STX2: variants seen among roughly 807,000 people sequenced by gnomAD.
STX2 encodes syntaxin-2.
Under a neutral mutation model 40.6 loss-of-function variants are expected in STX2, and 27 were observed. That is an observed-to-expected ratio of 0.66 (90% CI 0.49 to 0.92). The LOEUF (loss-of-function observed/expected upper bound fraction) is 0.92. STX2 is among the 40% of genes least tolerant of loss of function. The probability of loss-of-function intolerance (pLI) is 0.00; values close to 1 mark genes in which losing one functional copy is unlikely to be tolerated. For synonymous variants in STX2, 123 were observed against 119.1 expected, an observed-to-expected ratio of 1.03 and a Z score of -0.22; for missense variants, 328 against 366.1, an observed-to-expected ratio of 0.90 and a Z score of 0.85.
chr12:130,829,930 G>A (rs1318323070), intron 1 of STX2, among the ~76,000 whole-genome samples: 1 of 152,208 alleles, frequency 6.6e-6, no homozygotes, highest in Non-Finnish European at 1.5e-5. Context: ...CACCCTGGAG[G>A]TGCCACATGG....
intron 8 of STX2, among the ~76,000 whole-genome samples, chr12:130,799,930 T>C (rs1951163286): frequency 6.6e-6 from 1 of 152,148 alleles, no homozygotes; most frequent in Admixed American, 6.6e-5. Flanking sequence ...GGAACAATCC[T>C]GTGTGTGGAT....
rs73459506 is a variant in STX2, at chr12:130,831,284, T to C, written c.31-4017A>G. Among the ~76,000 whole-genome samples, 672 of 152,376 alleles carry C rather than the reference T, an allele frequency of 4.4e-3. 10 individuals are homozygous for C. Among genetic ancestry groups the C allele is most frequent in the African/African-American group, 0.016 (649 of 41,600 alleles). ...AACCTTGACATATACACAGTGGTTT[T>C]AGTACTTTGTTGCTAGAATACTTTG... On this transcript the variant is annotated intron_variant, in intron 1 of 10. Transcript: ENST00000392373.
chr12:130,815,438 T>C (rs962656864), intron 3 of STX2, among the ~76,000 whole-genome samples: 4 of 152,210 alleles, frequency 2.6e-5, no homozygotes, highest in African/African-American at 7.2e-5. Context: ...CATCAGCACA[T>C]CACCCACTGG....
chr12:130,802,259 A>C (rs1951258078), intron 6 of STX2, among the ~76,000 whole-genome samples: 1 of 152,080 alleles, frequency 6.6e-6, no homozygotes, highest in Non-Finnish European at 1.5e-5. Context: ...GTGCAGGGGC[A>C]CCGTCGCAGC....
At chr12:130,835,496 T>C (rs1952728561) in intron 1 of STX2, among the ~76,000 whole-genome samples, 1 of 152,208 alleles carries the variant, frequency 6.6e-6, no homozygotes. Context: ...GTATCAAATA[T>C]AAATACATCA....
chr12:130,829,981 TTAGGTTC>T (rs1160110394), intron 1 of STX2, among the ~76,000 whole-genome samples: 1 of 152,186 alleles, frequency 6.6e-6, no homozygotes, highest in East Asian at 1.9e-4. Flanking sequence ...GCCAGGAACT[TTAGGTTC>T]TAGATTCAAA....
intron 3 of STX2, among the ~76,000 whole-genome samples, chr12:130,816,703 TAAAAAC>T (rs1951872154): frequency 6.6e-6 from 1 of 151,478 alleles, no homozygotes; most frequent in Non-Finnish European, 1.5e-5. Context: ...AAAAAAGAAA[TAAAAAC>T]AAAAGAAACC....
intron 1 of STX2, among the ~76,000 whole-genome samples, chr12:130,835,124 A>G (rs1952713625): frequency 6.6e-6 from 1 of 152,240 alleles, no homozygotes; most frequent in Non-Finnish European, 1.5e-5. Context: ...CCCCATCTCT[A>G]TAAAAAATAC....
Position 130,791,692 on chromosome 12 carries a change from C to A in STX2, c.*331G>T. On this transcript the variant is annotated 3_prime_UTR_variant, in exon 11 of 11. Transcript: ENST00000392373. ...TGCTCACATTCTGTAGTGTGTCATT[C>A]AGGGTCACGCATCACACCCACTGTG... The A allele has an allele frequency of 1.9e-6, 1 of 514,946 alleles. No homozygotes were observed. 31.9% of individuals were successfully genotyped at this position (514,946 alleles called of 1,614,324 possible). A position where few individuals can be genotyped will look rare whatever the true frequency, so the allele number is the denominator to read the frequency against.
chr12:130,825,730 A>G (rs557889819), intron 2 of STX2, among the ~76,000 whole-genome samples: 1 of 152,338 alleles, frequency 6.6e-6, no homozygotes, highest in Non-Finnish European at 1.5e-5. Flanking sequence ...ATGCTTTTAT[A>G]AACCTATTAA....
chr12:130,792,056 AT>A, intron 10 of STX2, 79 bp from the exon 11 acceptor site: 1 of 962,926 alleles, frequency 1.0e-6, no homozygotes, highest in Middle Eastern at 2.8e-4. Flanking sequence ...TCCTTCTGGG[AT>A]TTGGGATAGT....
chr12:130,839,014 G>A (rs1952832350), intron 1 of STX2, 56 bp downstream of exon 1: 31 of 341,236 alleles, frequency 9.1e-5, no homozygotes, highest in Non-Finnish European at 1.3e-4. Flanking sequence ...GCCCCCGCCC[G>A]CCCTCCAGAC....
intron 3 of STX2, among the ~76,000 whole-genome samples, chr12:130,818,160 G>A (rs868435782): frequency 5.7e-5 from 4 of 70,222 alleles, no homozygotes; most frequent in Admixed American, 1.8e-4. Context: ...AGTGAGAAAC[G>A]CTGTTTCTAC....
chr12:130,818,445 T>C (rs967313167), intron 3 of STX2, among the ~76,000 whole-genome samples: 1 of 151,734 alleles, frequency 6.6e-6, no homozygotes, highest in Non-Finnish European at 1.5e-5. Flanking sequence ...CACCACTAGC[T>C]CATTTCACAC....
intron 5 of STX2, 23 bp from the exon 6 acceptor site, chr12:130,807,113 T>G: frequency 6.2e-7 from 1 of 1,609,984 alleles, no homozygotes; most frequent in Non-Finnish European, 8.5e-7. Context: ...GAAAACTACA[T>G]TCGTATCTGA....
At chr12:130,836,299 A>G (rs1402577625) in intron 1 of STX2, among the ~76,000 whole-genome samples, 2 of 152,104 alleles carry the variant, frequency 1.3e-5, no homozygotes, top group Admixed American at 6.6e-5. Flanking sequence ...CAGGGTCTCA[A>G]TCTGTCTGTT....
chr12:130,808,134 G>T (rs1208834658), intron 5 of STX2, among the ~76,000 whole-genome samples: 1 of 152,102 alleles, frequency 6.6e-6, no homozygotes, highest in Non-Finnish European at 1.5e-5. Context: ...TGCATGTATA[G>T]CTCCTCCCTC....
intron 3 of STX2, among the ~76,000 whole-genome samples, chr12:130,813,286 G>A (rs970004752): frequency 1.3e-5 from 2 of 152,162 alleles, no homozygotes; most frequent in Non-Finnish European, 2.9e-5. Flanking sequence ...AACTGAGGTG[G>A]GGACAGTGGC....
chr12:130,807,947 A>C (rs1057355375), intron 5 of STX2, among the ~76,000 whole-genome samples: 1 of 152,194 alleles, frequency 6.6e-6, no homozygotes, highest in African/African-American at 2.4e-5. Flanking sequence ...CAAAGTGCTC[A>C]CAAGGAAATT....
Sources: gnomAD v4.1 joint callset for allele counts (sites outside exome capture counted in the v4.1 genomes callset) on GRCh38, gnomAD v4.1.1 for gene constraint, MANE v1.5 for transcripts, NCBI Gene and HGNC (gene_info 2026-07-23, HGNC 2026-07-21) for gene names.